WWOX: variants seen among roughly 807,000 people sequenced by gnomAD.
WWOX encodes the protein WW domain-containing oxidoreductase.
WWOX carries 69 observed loss-of-function variants against 46.2 expected under a neutral mutation model. That is an observed-to-expected ratio of 1.49 (90% confidence interval 1.23 to 1.82). The LOEUF is 1.82. Among genes scored for constraint, WWOX ranks in the 40% most tolerant of loss-of-function variants. The pLI is 0.00. For synonymous variants in WWOX, 359 were observed against 202.6 expected (o/e 1.77, Z -6.56); for missense variants, 919 against 542.6 (o/e 1.69, Z -6.89).
chr16:78,726,725 C>T (rs2048845682), intron 8 of WWOX, among the ~76,000 whole-genome samples: 1 of 148,170 alleles, frequency 6.7e-6, no homozygotes, highest in Admixed American at 6.7e-5. Flanking sequence ...TGTTTTGTTC[C>T]TTTTTTTTTT....
chr16:78,780,119 C>T (rs931905575), intron 8 of WWOX, among the ~76,000 whole-genome samples: 2 of 152,144 alleles, frequency 1.3e-5, no homozygotes, highest in South Asian at 2.1e-4. Flanking sequence ...CTGTGAGCCC[C>T]TGGGGTCCTA....
intron 4 of WWOX, among the ~76,000 whole-genome samples, chr16:78,118,625 G>T (rs1212474418): frequency 6.6e-6 from 1 of 152,122 alleles, no homozygotes; most frequent in East Asian, 1.9e-4. Flanking sequence ...TACCAGAAGA[G>T]TCGCCCAGTT....
At chr16:78,923,716 T>C (rs2045431790) in intron 8 of WWOX, among the ~76,000 whole-genome samples, 1 of 149,924 alleles carries the variant, frequency 6.7e-6, no homozygotes, top group Non-Finnish European at 1.5e-5. Flanking sequence ...AGTTTTTATC[T>C]GCCTTGGAAA....
At chr16:78,831,674 C>T (rs55715345) in intron 8 of WWOX, among the ~76,000 whole-genome samples, 6,112 of 152,192 alleles carry the variant, frequency 0.04, 153 homozygotes, top group Non-Finnish European at 0.058. Flanking sequence ...ATACTATTTC[C>T]ATTGAGAAGA....
At chr16:79,190,494 C>G (rs1465488954) in intron 8 of WWOX, among the ~76,000 whole-genome samples, 1 of 152,150 alleles carries the variant, frequency 6.6e-6, no homozygotes, top group Admixed American at 6.5e-5. Flanking sequence ...CAGAGAGGCC[C>G]CAAGAGAGAG....
In WWOX at chr16:78,648,999, AG is replaced by A. The variant is rs1396006958; in HGVS notation, c.1056+216248del. Among the ~76,000 whole-genome samples the A allele has an allele frequency of 2.6e-5, 4 of 151,988 alleles. No individual in the cohort carries two copies. The East Asian group carries it at 7.7e-4, about 29-fold the overall frequency. ...TTTATTTGTTTATTTTTTGAGAGGG[AG>A]TCTCGCTCTGTCACCCAGGCTGGAG... is the stretch of plus-strand genomic sequence containing the variant. On this transcript the variant is annotated intron_variant, in intron 8 of 8. Transcript: ENST00000566780.
At chr16:78,731,997 C>G (rs1266278757) in intron 8 of WWOX, among the ~76,000 whole-genome samples, 4 of 151,912 alleles carry the variant, frequency 2.6e-5, no homozygotes, top group Non-Finnish European at 2.9e-5. Context: ...CAGGTATGCA[C>G]TACCATGCCC....
chr16:78,761,345 T>G (rs147030995), intron 8 of WWOX, among the ~76,000 whole-genome samples: 80 of 152,286 alleles, frequency 5.3e-4, no homozygotes, highest in African/African-American at 1.9e-3. Flanking sequence ...CTCACAAATT[T>G]AAAAGACATG....
intron 5 of WWOX, among the ~76,000 whole-genome samples, chr16:78,185,914 C>A (rs147937054): frequency 3.3e-5 from 5 of 152,310 alleles, no homozygotes; most frequent in African/African-American, 7.2e-5. Context: ...GATCCACCCG[C>A]CTCGGCCTCC....
chr16:78,664,454 T>G (rs527828937), intron 8 of WWOX, among the ~76,000 whole-genome samples: 13 of 152,292 alleles, frequency 8.5e-5, no homozygotes, highest in Non-Finnish European at 1.3e-4. Context: ...TCTTCCTCGA[T>G]CAGGCTGGAT....
Position 78,432,570 on chromosome 16 carries a change from G to C in WWOX, c.874G>C (p.Ala292Pro), listed in dbSNP as rs376560613. ...AAAAAACGACTATTGGGCGATGCTG[G>C]CTTATAACAGGTCCAAGCTCTGCAA... The part of the protein sequence containing the change: ...PTKNDYWAML[A>P]YNRSKLCNIL... The change falls in exon 8 of 9, where the codon GCT (alanine) becomes CCT (proline). Residue 292 changes from alanine to proline, a missense_variant. Ala to Pro is a conservative substitution (Grantham distance 27, BLOSUM62 -1). Coordinates refer to ENST00000566780, the MANE Select transcript of WWOX (RefSeq NM_016373.4). The C allele has an allele frequency of 4.3e-6, 7 of 1,614,032 alleles. No individual in the cohort carries two copies. In the African/African-American group the frequency reaches 8.0e-5, roughly 18 times the overall value.
intron 8 of WWOX, among the ~76,000 whole-genome samples, chr16:78,839,495 T>G (rs142061103): frequency 6.6e-6 from 1 of 152,218 alleles, no homozygotes; most frequent in Non-Finnish European, 1.5e-5. Context: ...ATGCATTTTA[T>G]GTACAGGGCT....
intron 8 of WWOX, among the ~76,000 whole-genome samples, chr16:79,164,276 T>C (rs1383888535): frequency 6.6e-6 from 1 of 152,200 alleles, no homozygotes; most frequent in Non-Finnish European, 1.5e-5. Flanking sequence ...TCAGAGTTTG[T>C]TTTTTTCCTT....
intron 5 of WWOX, among the ~76,000 whole-genome samples, chr16:78,256,610 G>A (rs765756730): frequency 8.6e-5 from 13 of 151,864 alleles, no homozygotes; most frequent in Non-Finnish European, 1.9e-4. Context: ...TTTGCTAAAT[G>A]GGACTAATGG....
chr16:78,144,043 AC>A (rs1420620067), intron 4 of WWOX, among the ~76,000 whole-genome samples: 1 of 152,060 alleles, frequency 6.6e-6, no homozygotes, highest in East Asian at 1.9e-4. Flanking sequence ...CACATAAACC[AC>A]CACCCCAGTC....
At position 78,522,438 on chromosome 16, in the gene WWOX, C is replaced by T. The variant is rs896869273; in HGVS notation, c.1056+89686C>T. On this transcript the variant is annotated intron_variant, in intron 8 of 8. Transcript: ENST00000566780. The stretch of plus-strand genomic sequence containing the variant: ...CTCTCCTCTGTTTGCACAGTAGTCA[C>T]TCATCCTGCTCTCGGGCTCTGCCTG... Among the ~76,000 whole-genome samples the T allele has an allele frequency of 2.0e-5, 3 of 152,300 alleles. No homozygotes were observed. The East Asian group carries it at 5.8e-4, about 29-fold the overall frequency.
chr16:79,006,786 T>C (rs1306730994), intron 8 of WWOX, among the ~76,000 whole-genome samples: 1 of 152,122 alleles, frequency 6.6e-6, no homozygotes, highest in Non-Finnish European at 1.5e-5. Flanking sequence ...AGGGTCCCTT[T>C]CCTCCATCTT....
chr16:78,789,910 C>G lies in WWOX; in HGVS notation c.1056+357158C>G, dbSNP rs1034407707. ...CAAATCAGACAGTTGTAAACTTAAA[C>G]TCCAATTCTGCCACTTATTGTGTCA... On this transcript the variant is annotated intron_variant, in intron 8 of 8. Coordinates refer to ENST00000566780, the MANE Select transcript of WWOX (RefSeq NM_016373.4). Among the ~76,000 whole-genome samples, 4 of 152,172 alleles carry G rather than the reference C, an allele frequency of 2.6e-5. No individual in the cohort carries two copies. In the East Asian group the frequency reaches 5.8e-4, roughly 22 times the overall value.
chr16:79,039,130 C>T (rs1009625723), intron 8 of WWOX, among the ~76,000 whole-genome samples: 5 of 152,054 alleles, frequency 3.3e-5, no homozygotes, highest in Admixed American at 3.3e-4. Flanking sequence ...AAAGTTCTGA[C>T]TGTTTTATTG....
Sources: gnomAD v4.1 joint callset for allele counts (sites outside exome capture counted in the v4.1 genomes callset) on GRCh38, gnomAD v4.1.1 for gene constraint, MANE v1.5 for transcripts, NCBI Gene and HGNC (gene_info 2026-07-23, HGNC 2026-07-21) for gene names.